The following PRKG2 variants were observed in gnomAD, a reference collection of about 807,000 sequenced individuals.
PRKG2 encodes the protein protein kinase cGMP-dependent 2.
A neutral mutation model predicts 97.2 loss-of-function variants in PRKG2; 33 were observed. That is an observed-to-expected ratio of 0.34 (90% CI 0.26 to 0.45). The LOEUF (loss-of-function observed/expected upper bound fraction) is 0.45. Ranked by LOEUF, PRKG2 falls within the 20% of genes least tolerant of loss-of-function variation. The pLI is 1.00. For missense variants in PRKG2, 638 were observed against 900.0 expected (o/e 0.71, Z 3.73); for synonymous variants, 330 against 321.8 (o/e 1.03, Z -0.27).
intron 17 of PRKG2, among the ~76,000 whole-genome samples, chr4:81,102,907 A>G (rs1240763798): frequency 6.6e-6 from 1 of 152,154 alleles, no homozygotes; most frequent in Non-Finnish European, 1.5e-5. Flanking sequence ...CAGTGAAAAG[A>G]TCTATAAAGG....
At chr4:81,188,586 C>A (rs1426897522) in intron 2 of PRKG2, among the ~76,000 whole-genome samples, 1 of 134,202 alleles carries the variant, frequency 7.5e-6, no homozygotes, top group African/African-American at 3.7e-5. Flanking sequence ...ATGTTTATTG[C>A]GGCACTATTC....
intron 14 of PRKG2, among the ~76,000 whole-genome samples, chr4:81,132,539 C>A (rs1169544358): frequency 6.6e-6 from 1 of 152,144 alleles, no homozygotes; most frequent in Non-Finnish European, 1.5e-5. Flanking sequence ...TCCTTATACA[C>A]TGAAGAATGT....
At chr4:81,162,146 C>T (rs1749633494) in intron 6 of PRKG2, among the ~76,000 whole-genome samples, 1 of 152,138 alleles carries the variant, frequency 6.6e-6, no homozygotes, top group Non-Finnish European at 1.5e-5. Context: ...TTTACTACTA[C>T]ACCTAATGTT....
chr4:81,112,300 A>T (rs1266065868), intron 14 of PRKG2, among the ~76,000 whole-genome samples: 1 of 152,208 alleles, frequency 6.6e-6, no homozygotes, highest in Non-Finnish European at 1.5e-5. Flanking sequence ...TAAAATTTGT[A>T]ATCAGCTGAG....
intron 4 of PRKG2, among the ~76,000 whole-genome samples, chr4:81,171,112 C>T (rs941928143): frequency 3.9e-5 from 6 of 151,956 alleles, no homozygotes; most frequent in Non-Finnish European, 8.8e-5. Flanking sequence ...CAACTTAACA[C>T]CTAGGTATTT....
rs142642254 is a variant in PRKG2 at position 81,136,303 on chromosome 4, T to A, written c.1635-1007A>T. Among the ~76,000 whole-genome samples, 235 of 152,284 alleles carry A rather than the reference T, an allele frequency of 1.5e-3. 2 individuals carry two copies. The highest frequency in any genetic ancestry group is 5.1e-3 in the African/African-American group (214 of 41,566). On this transcript the variant is annotated intron_variant, in intron 13 of 18. Coordinates refer to ENST00000264399, the MANE Select transcript of PRKG2 (RefSeq NM_006259.3). ...GCACATTAAAATTGCCTGAGAAGCA[T>A]TTAAAAAATCGTTTACTGGACCCCA...
intron 3 of PRKG2, among the ~76,000 whole-genome samples, chr4:81,172,733 A>G (rs1007099631): frequency 2.0e-5 from 3 of 152,158 alleles, no homozygotes; most frequent in Non-Finnish European, 4.4e-5. Context: ...CTTTCCTTAA[A>G]GAATTAGTCT....
chr4:81,107,618 T>C (rs1743478239), intron 15 of PRKG2, among the ~76,000 whole-genome samples: 1 of 152,058 alleles, frequency 6.6e-6, no homozygotes, highest in African/African-American at 2.4e-5. Context: ...GTTCAAGTGA[T>C]TCTCCTGCCT....
chr4:81,096,089 C>T (rs1289871436), intron 17 of PRKG2, among the ~76,000 whole-genome samples: 1 of 152,150 alleles, frequency 6.6e-6, no homozygotes, highest in Non-Finnish European at 1.5e-5. Flanking sequence ...TGCTGACTGA[C>T]AAGGGCAGGG....
chr4:81,127,031 T>C (rs1745659104), intron 14 of PRKG2, among the ~76,000 whole-genome samples: 1 of 152,120 alleles, frequency 6.6e-6, no homozygotes, highest in Non-Finnish European at 1.5e-5. Context: ...TTATCTTGAG[T>C]TAATTTTTGT....
Position 81,148,887 on chromosome 4 carries a change from C to T in PRKG2, c.1151G>A (p.Arg384Gln). The change falls in exon 9 of 19, where the codon CGA becomes CAA. Residue 384 changes from arginine to glutamine, a missense_variant. Coordinates refer to ENST00000264399, the MANE Select transcript of PRKG2 (RefSeq NM_006259.3). ...ENDVACLVID[R>Q]ETFNQTVGTF... ...CCTCCAACATCAGTATACTCACTCT[C>T]GATCTATAACCAGGCATGCAACATC... 6.2e-7 allele frequency: 1 copy of T among 1,613,538 alleles called. No individual in the cohort carries two copies. Among genetic ancestry groups the T allele is most frequent in the Non-Finnish European group, 8.5e-7 (1 of 1,179,552 alleles).
chr4:81,130,007 G>A (rs895762232), intron 14 of PRKG2, among the ~76,000 whole-genome samples: 1 of 152,168 alleles, frequency 6.6e-6, no homozygotes, highest in African/African-American at 2.4e-5. Context: ...TCCTTCAGAA[G>A]TTCTTGTAAG....
chr4:81,178,130 C>T (rs1751098504), intron 2 of PRKG2, among the ~76,000 whole-genome samples: 2 of 146,624 alleles, frequency 1.4e-5, no homozygotes, highest in Admixed American at 1.4e-4. Context: ...TGAAGGGCTG[C>T]AGCCTAGGAG....
At chr4:81,193,942 A>T (rs767938688) in intron 2 of PRKG2, among the ~76,000 whole-genome samples, 1 of 152,166 alleles carries the variant, frequency 6.6e-6, no homozygotes, top group Non-Finnish European at 1.5e-5. Flanking sequence ...TTTCCTGTCT[A>T]GGTTCCCCAT....
chr4:81,204,377 T>A (rs1393856495), intron 2 of PRKG2, among the ~76,000 whole-genome samples: 1 of 152,180 alleles, frequency 6.6e-6, no homozygotes, highest in African/African-American at 2.4e-5. Context: ...ACTGAGCTCC[T>A]CATGAGAGAT....
chr4:81,200,963 G>A (rs1156970748), intron 2 of PRKG2, among the ~76,000 whole-genome samples: 1 of 152,146 alleles, frequency 6.6e-6, no homozygotes, highest in African/African-American at 2.4e-5. Context: ...ATGATATACT[G>A]CAGGTTGGGT....
intron 2 of PRKG2, among the ~76,000 whole-genome samples, chr4:81,184,082 A>G (rs1479349536): frequency 6.6e-6 from 1 of 152,184 alleles, no homozygotes; most frequent in African/African-American, 2.4e-5. Context: ...GCAGACTTAA[A>G]TGATCCTGCC....
intron 9 of PRKG2, among the ~76,000 whole-genome samples, chr4:81,148,323 G>A (rs1175554198): frequency 1.3e-5 from 2 of 152,088 alleles, no homozygotes; most frequent in African/African-American, 4.8e-5. Context: ...CAGGGGGGCA[G>A]ATTCAAACAT....
chr4:81,119,349 C>A (rs1043606934), intron 14 of PRKG2, among the ~76,000 whole-genome samples: 25 of 152,304 alleles, frequency 1.6e-4, no homozygotes, highest in African/African-American at 5.8e-4. Flanking sequence ...ATTGTTCCAG[C>A]AGTATTTGCT....
Sources: allele counts gnomAD v4.1 joint callset (sites outside exome capture counted in the v4.1 genomes callset), GRCh38; gene constraint gnomAD v4.1.1; transcripts MANE v1.5; gene names NCBI Gene and HGNC (gene_info 2026-07-23, HGNC 2026-07-21).